Variants in PLD5 observed in about 807,000 individuals in gnomAD.
PLD5 encodes phospholipase D family member 5.
PLD5 carries 36 observed loss-of-function variants against 61.1 expected under a neutral mutation model. The ratio of observed to expected loss-of-function variants is 0.59; its 90% CI spans 0.45 to 0.78. The LOEUF (loss-of-function observed/expected upper bound fraction) is 0.78. Ranked by LOEUF, PLD5 falls within the 30% of genes least tolerant of loss-of-function variation. The pLI, the probability that PLD5 is intolerant of heterozygous loss-of-function variation, is 0.00. For missense variants in PLD5, 515 were observed against 644.4 expected (o/e 0.80, Z 2.17); for synonymous variants, 243 against 242.8 (o/e 1.00, Z -0.01).
chr1:242,179,764 A>G (rs1197212970), intron 5 of PLD5, among the ~76,000 whole-genome samples: 1 of 152,138 alleles, frequency 6.6e-6, no homozygotes, highest in Non-Finnish European at 1.5e-5. Context: ...TTAGCCGGGC[A>G]TGGTGGTGCA....
intron 3 of PLD5, among the ~76,000 whole-genome samples, chr1:242,272,512 A>G (rs1414043432): frequency 1.3e-5 from 2 of 152,156 alleles, no homozygotes; most frequent in African/African-American, 4.8e-5. Context: ...AGCCTGAACA[A>G]AAGTTATAAT....
intron 8 of PLD5, among the ~76,000 whole-genome samples, chr1:242,104,934 T>C (rs1439226644): frequency 1.3e-5 from 2 of 152,238 alleles, no homozygotes; most frequent in South Asian, 2.1e-4. Context: ...ATTTAAAAAG[T>C]ATTAAGTACT....
intron 5 of PLD5, among the ~76,000 whole-genome samples, chr1:242,205,307 C>A (rs1387568962): frequency 1.3e-5 from 2 of 152,242 alleles, no homozygotes; most frequent in African/African-American, 4.8e-5. Context: ...CTGCCACAGA[C>A]AATAAAATGG....
intron 4 of PLD5, among the ~76,000 whole-genome samples, chr1:242,259,326 C>CTCTCTCTCA (rs1553337791): frequency 1.3e-5 from 2 of 150,560 alleles, no homozygotes; most frequent in Admixed American, 1.3e-4. Flanking sequence ...CTCTCTCTCT[C>CTCTCTCTCA]AAAAAAAATA....
intron 5 of PLD5, among the ~76,000 whole-genome samples, chr1:242,195,670 GTC>G (rs1668594640): frequency 6.6e-6 from 1 of 152,188 alleles, no homozygotes; most frequent in Non-Finnish European, 1.5e-5. Context: ...ATGGCTGTGT[GTC>G]TCTCTACATT....
chr1:242,213,035 T>C, intron 5 of PLD5, among the ~76,000 whole-genome samples: 1 of 152,186 alleles, frequency 6.6e-6, no homozygotes, highest in Non-Finnish European at 1.5e-5. Flanking sequence ...GTCTGGTAAA[T>C]GGAGACTTTT....
chr1:242,313,953 G>A (rs3863747), intron 2 of PLD5, among the ~76,000 whole-genome samples: 47,549 of 151,894 alleles, frequency 0.31, 8,799 homozygotes, highest in African/African-American at 0.51. Flanking sequence ...GAAGGTCATA[G>A]TAGAGCAGTT....
At chr1:242,167,121 G>A (rs1358624510) in intron 5 of PLD5, among the ~76,000 whole-genome samples, 1 of 145,084 alleles carries the variant, frequency 6.9e-6, no homozygotes, top group African/African-American at 2.5e-5. Context: ...ATAATAAATA[G>A]TAGCCATGTT....
chr1:242,207,390 C>G (rs1669388843), intron 5 of PLD5, among the ~76,000 whole-genome samples: 1 of 152,092 alleles, frequency 6.6e-6, no homozygotes, highest in Non-Finnish European at 1.5e-5. Context: ...CGGTAGTTCC[C>G]CCTTGGCCTG....
chr1:242,163,934 C>T (rs201918120), intron 5 of PLD5, among the ~76,000 whole-genome samples: 159 of 147,620 alleles, frequency 1.1e-3, no homozygotes, highest in Non-Finnish European at 1.5e-3. Flanking sequence ...TATATATATA[C>T]ATTCCAGCAG....
At chr1:242,091,830 T>TC (rs1302445740) in intron 9 of PLD5, among the ~76,000 whole-genome samples, 3 of 149,628 alleles carry the variant, frequency 2.0e-5, no homozygotes, top group African/African-American at 7.4e-5. Context: ...TTTTCTTTTT[T>TC]TCTTTTTTTT....
chr1:242,484,165 C>A (rs1220955286), intron 1 of PLD5, among the ~76,000 whole-genome samples: 1 of 152,046 alleles, frequency 6.6e-6, no homozygotes, highest in African/African-American at 2.4e-5. Context: ...GAAGCAAGAG[C>A]AAACACATTC....
At chr1:242,290,527 C>T (rs879081923) in intron 2 of PLD5, among the ~76,000 whole-genome samples, 31 of 151,976 alleles carry the variant, frequency 2.0e-4, no homozygotes, top group Admixed American at 6.6e-4. Flanking sequence ...TTAATTTTGT[C>T]GCATTTGGGA....
chr1:242,107,272 T>G (rs1661133258), intron 8 of PLD5, among the ~76,000 whole-genome samples: 1 of 152,028 alleles, frequency 6.6e-6, no homozygotes, highest in Admixed American at 6.6e-5. Context: ...GCCCAGGAGC[T>G]CAGGACCAGC....
At chr1:242,262,800 G>A (rs1356728040) in intron 4 of PLD5, among the ~76,000 whole-genome samples, 1 of 152,100 alleles carries the variant, frequency 6.6e-6, no homozygotes, top group Admixed American at 6.5e-5. Flanking sequence ...GAAAGCATGT[G>A]AGCTGAGTCA....
chr1:242,204,494 C>T (rs1012151752), intron 5 of PLD5, among the ~76,000 whole-genome samples: 6 of 152,068 alleles, frequency 3.9e-5, no homozygotes, highest in Non-Finnish European at 7.4e-5. Flanking sequence ...TGTTTGTGGA[C>T]AAACTTAGGG....
chr1:242,102,611 G>C (rs1660768675), intron 8 of PLD5, among the ~76,000 whole-genome samples: 1 of 152,162 alleles, frequency 6.6e-6, no homozygotes, highest in South Asian at 2.1e-4. Context: ...CTCCTTTAAG[G>C]ACAGAGATTC....
At chr1:242,260,949 C>T (rs1323985195) in intron 4 of PLD5, among the ~76,000 whole-genome samples, 2 of 152,150 alleles carry the variant, frequency 1.3e-5, no homozygotes, top group Admixed American at 1.3e-4. Flanking sequence ...GTAAAAGATT[C>T]AATATTGTCC....
chr1:242,115,494 T>A (rs1661871623), intron 6 of PLD5, among the ~76,000 whole-genome samples: 1 of 152,136 alleles, frequency 6.6e-6, no homozygotes, highest in Admixed American at 6.5e-5. Flanking sequence ...GGAGGAGCAC[T>A]CCACCTCCAA....
Sources: allele counts gnomAD v4.1 joint callset (sites outside exome capture counted in the v4.1 genomes callset), GRCh38; gene constraint gnomAD v4.1.1; transcripts MANE v1.5; gene names NCBI Gene and HGNC (gene_info 2026-07-23, HGNC 2026-07-21).